FHOD3: variants seen among roughly 807,000 people sequenced by gnomAD.
FHOD3 encodes FH1/FH2 domain-containing protein 3.
In FHOD3, 90 loss-of-function variants were observed where a neutral mutation model predicts 173.0. The ratio of observed to expected loss-of-function variants is 0.52; its 90% CI spans 0.44 to 0.62. The LOEUF is 0.62. Ranked by LOEUF, FHOD3 falls within the 20% of genes least tolerant of loss-of-function variation. The probability of loss-of-function intolerance (pLI) is 0.00; values close to 1 mark genes in which losing one functional copy is unlikely to be tolerated. For synonymous variants in FHOD3, 828 were observed against 823.0 expected, an observed-to-expected ratio of 1.01 and a Z score of -0.10; for missense variants, 1,945 against 2,034.7, an observed-to-expected ratio of 0.96 and a Z score of 0.85.
At chr18:36,534,991 TTTC>T (rs1247848745) in intron 5 of FHOD3, among the ~76,000 whole-genome samples, 4 of 152,192 alleles carry the variant, frequency 2.6e-5, no homozygotes, top group African/African-American at 7.2e-5. Context: ...TTATAATGTT[TTTC>T]TTCTTCTTCT....
At chr18:36,758,413 C>T (rs1210864264) in intron 25 of FHOD3, among the ~76,000 whole-genome samples, 1 of 152,188 alleles carries the variant, frequency 6.6e-6, no homozygotes, top group Non-Finnish European at 1.5e-5. Flanking sequence ...TAACTTAAAG[C>T]AGTTTAGTGC....
chr18:36,657,812 C>T (rs924507818), intron 13 of FHOD3, among the ~76,000 whole-genome samples: 5 of 152,112 alleles, frequency 3.3e-5, no homozygotes, highest in Non-Finnish European at 7.4e-5. Flanking sequence ...TTTTAAAAAA[C>T]AGGAAATGTT....
At chr18:36,663,024 T>A (rs1172672168) in intron 14 of FHOD3, among the ~76,000 whole-genome samples, 1 of 152,230 alleles carries the variant, frequency 6.6e-6, no homozygotes, top group Non-Finnish European at 1.5e-5. Context: ...CTCATTGTTC[T>A]TTTTTACTTC....
intron 3 of FHOD3, among the ~76,000 whole-genome samples, chr18:36,396,396 G>A (rs982695318): frequency 6.6e-6 from 1 of 152,154 alleles, no homozygotes; most frequent in African/African-American, 2.4e-5. Context: ...TACCTGCAGT[G>A]ATTCTGTTTC....
chr18:36,686,680 G>C (rs62084010), intron 15 of FHOD3, among the ~76,000 whole-genome samples: 3,114 of 151,690 alleles, frequency 0.021, 43 homozygotes, highest in Middle Eastern at 0.048. Flanking sequence ...GGAATATTCA[G>C]CTTGTGGAGT....
chr18:36,425,309 A>C (rs1355410997), intron 3 of FHOD3, among the ~76,000 whole-genome samples: 1 of 152,240 alleles, frequency 6.6e-6, no homozygotes, highest in East Asian at 1.9e-4. Context: ...TCAGGCATCT[A>C]CTGGAGGTCT....
intron 1 of FHOD3, among the ~76,000 whole-genome samples, chr18:36,315,322 C>G (rs1051934991): frequency 3.3e-5 from 5 of 152,174 alleles, no homozygotes; most frequent in Admixed American, 1.3e-4. Context: ...ACCTCAGTCT[C>G]TCTTCATTTC....
At chr18:36,458,444 A>G (rs75605856) in intron 3 of FHOD3, among the ~76,000 whole-genome samples, 1,544 of 152,178 alleles carry the variant, frequency 0.01, 28 homozygotes, top group African/African-American at 0.035. Context: ...ACCCTTCCTC[A>G]CCTCTACAAG....
chr18:36,716,930 G>A (rs1353893671), intron 18 of FHOD3, among the ~76,000 whole-genome samples: 1 of 151,570 alleles, frequency 6.6e-6, no homozygotes, highest in Non-Finnish European at 1.5e-5. Flanking sequence ...GTGTGTGTGT[G>A]TGTGTGTGTG....
intron 14 of FHOD3, among the ~76,000 whole-genome samples, chr18:36,662,057 G>T (rs889873452): frequency 2.6e-5 from 4 of 152,148 alleles, no homozygotes; most frequent in Admixed American, 6.5e-5. Flanking sequence ...AAAACTACAG[G>T]AATATTTGAA....
chr18:36,619,589 T>C lies in FHOD3; in HGVS notation c.958-5922T>C, dbSNP rs2033532014. ...GTTTCTTGCCTGAAGTATTGCACTA[T>C]CTTCCTATTCATTTGCTTGTCTATT... On this transcript the variant is annotated intron_variant, in intron 9 of 28. Coordinates refer to ENST00000590592, the MANE Select transcript of FHOD3 (RefSeq NM_001281740.3). Among the ~76,000 whole-genome samples, 3 of 152,362 alleles carry C rather than the reference T, an allele frequency of 2.0e-5. No individual in the cohort carries two copies. In the South Asian group the frequency reaches 6.2e-4, roughly 32 times the overall value.
At chr18:36,709,604 C>A in intron 18 of FHOD3, 1 of 568,742 alleles carries the variant, frequency 1.8e-6, no homozygotes, top group Non-Finnish European at 3.1e-6. Context: ...AGCCCCCAAA[C>A]TGTCTGCCAC....
chr18:36,341,842 A>G (rs1173337676), intron 1 of FHOD3, among the ~76,000 whole-genome samples: 2 of 152,226 alleles, frequency 1.3e-5, no homozygotes, highest in Non-Finnish European at 2.9e-5. Context: ...TAAATGTTTT[A>G]ATGAACAATG....
At chr18:36,721,487 A>G (rs1229036027) in intron 19 of FHOD3, among the ~76,000 whole-genome samples, 1 of 152,182 alleles carries the variant, frequency 6.6e-6, no homozygotes, top group East Asian at 1.9e-4. Flanking sequence ...TAAAATGTAC[A>G]CACACGCACA....
intron 5 of FHOD3, among the ~76,000 whole-genome samples, chr18:36,515,453 C>T (rs981485628): frequency 9.9e-5 from 15 of 152,250 alleles, no homozygotes; most frequent in African/African-American, 1.7e-4. Flanking sequence ...CTCCTGACCT[C>T]GTGATCACCC....
At chr18:36,692,081 G>T (rs2149490839) in intron 16 of FHOD3, among the ~76,000 whole-genome samples, 1 of 152,356 alleles carries the variant, frequency 6.6e-6, no homozygotes, top group Non-Finnish European at 1.5e-5. Flanking sequence ...TGCAAGTGTG[G>T]TCCGAAGGGT....
intron 2 of FHOD3, among the ~76,000 whole-genome samples, chr18:36,365,300 A>G (rs1231311554): frequency 2.6e-5 from 4 of 152,234 alleles, no homozygotes; most frequent in African/African-American, 9.6e-5. Flanking sequence ...TTGCATCCCC[A>G]AAAGACATAA....
intron 3 of FHOD3, among the ~76,000 whole-genome samples, chr18:36,406,123 A>C (rs1209856232): frequency 7.6e-6 from 1 of 130,868 alleles, no homozygotes; most frequent in African/African-American, 2.8e-5. Context: ...TTGTTTTTTT[A>C]AAGCAAGGTG....
intron 8 of FHOD3, among the ~76,000 whole-genome samples, chr18:36,609,607 C>CTTT (rs1181851197): frequency 6.8e-5 from 8 of 118,168 alleles, no homozygotes; most frequent in Non-Finnish European, 1.1e-4. Context: ...CTTTTTAGTT[C>CTTT]TTTTTTTTTT....
Sources: allele counts gnomAD v4.1 joint callset (sites outside exome capture counted in the v4.1 genomes callset), GRCh38; gene constraint gnomAD v4.1.1; transcripts MANE v1.5; gene names NCBI Gene and HGNC (gene_info 2026-07-23, HGNC 2026-07-21).